The following DOCK9 variants were observed in gnomAD, a reference collection of about 807,000 sequenced individuals.
The protein encoded by DOCK9 is dedicator of cytokinesis 9, also known as dedicator of cytokinesis protein 9.
In DOCK9, 89 loss-of-function variants were observed where a neutral mutation model predicts 263.3. The observed-to-expected ratio is 0.34, with a 90% CI of 0.28 to 0.40. The LOEUF is 0.40. DOCK9 is among the 10% of genes least tolerant of loss of function. DOCK9 has a pLI of 1.00. For missense variants in DOCK9, 2,140 were observed against 2,603.4 expected (o/e 0.82, Z 3.87); for synonymous variants, 976 against 973.1 (o/e 1.00, Z -0.06).
In DOCK9 at chr13:98,883,810, T is replaced by C. The variant is rs781051563; in HGVS notation, c.2469+3A>G. ...CTGCTAATTTTGTTGAAGGAGCACA[T>C]ACCTGAGTATACACTGTAGAAACCA... On this transcript the variant is annotated splice_donor_region_variant and intron_variant, in intron 22 of 52. Coordinates refer to ENST00000682017, the MANE Select transcript of DOCK9 (RefSeq NM_001366683.2). 9 of 1,596,334 alleles carry C rather than the reference T, an allele frequency of 5.6e-6. No homozygotes were observed. Among genetic ancestry groups the C allele is most frequent in the Non-Finnish European group, 7.7e-6 (9 of 1,172,952 alleles).
intron 34 of DOCK9, chr13:98,854,871 A>T (rs922837280): frequency 6.6e-6 from 1 of 152,224 alleles, no homozygotes; most frequent in African/African-American, 2.4e-5. Flanking sequence ...GGGATGCGTG[A>T]CAAGATTATA....
At chr13:98,902,131 C>A in intron 12 of DOCK9, among the ~76,000 whole-genome samples, 157 bp downstream of exon 12, 1 of 152,232 alleles carries the variant, frequency 6.6e-6, no homozygotes, top group African/African-American at 2.4e-5. Context: ...CCACTTATTT[C>A]TCAGCTTGCT....
intron 1 of DOCK9, among the ~76,000 whole-genome samples, chr13:99,072,346 T>C (rs2041717496): frequency 6.6e-6 from 1 of 152,194 alleles, no homozygotes; most frequent in Non-Finnish European, 1.5e-5. Context: ...TAGGACATTG[T>C]GTTTGGGAAC....
intron 2 of DOCK9, chr13:98,950,403 A>AT: frequency 1.2e-6 from 1 of 833,904 alleles, no homozygotes; most frequent in Non-Finnish European, 2.0e-6. Context: ...TCTTTTTCAG[A>AT]TTTTCTAGAA....
intron 32 of DOCK9, among the ~76,000 whole-genome samples, chr13:98,860,824 C>G (rs1204609490): frequency 6.6e-6 from 1 of 152,176 alleles, no homozygotes; most frequent in Non-Finnish European, 1.5e-5. Context: ...AGCTCGGACG[C>G]CCAACATTTC....
At chr13:99,059,408 C>A (rs553874665) in intron 1 of DOCK9, among the ~76,000 whole-genome samples, 2 of 150,802 alleles carry the variant, frequency 1.3e-5, no homozygotes, top group African/African-American at 4.9e-5. Context: ...TTCCTCTCCC[C>A]TCCCTCCTAC....
chr13:98,848,517 G>A lies in DOCK9; in HGVS notation c.4061+75C>T. 3 of 1,511,768 alleles carry A rather than the reference G, an allele frequency of 2.0e-6. No homozygotes were observed. The South Asian group carries it at 3.6e-5, about 18-fold the overall frequency. 93.6% of individuals were successfully genotyped at this position (1,511,768 alleles called of 1,614,324 possible). A position where few individuals can be genotyped will look rare whatever the true frequency, so the allele number is the denominator to read the frequency against. On this transcript the variant is annotated intron_variant, in intron 37 of 52. Coordinates refer to ENST00000682017, the MANE Select transcript of DOCK9 (RefSeq NM_001366683.2). ...TGAACCCCAACTGCCAACCGCCACT[G>A]ATGACCAATCCCACACAATCAGAGC... is the stretch of plus-strand genomic sequence containing the variant.
chr13:98,842,414 T>C (rs761617296), intron 38 of DOCK9, among the ~76,000 whole-genome samples: 5 of 152,242 alleles, frequency 3.3e-5, no homozygotes, highest in Non-Finnish European at 7.3e-5. Flanking sequence ...AACTGCCTTT[T>C]AGATCAAATT....
At chr13:99,085,738 A>G (rs895359232) in intron 1 of DOCK9, among the ~76,000 whole-genome samples, 1 of 151,962 alleles carries the variant, frequency 6.6e-6, no homozygotes, top group Non-Finnish European at 1.5e-5. Context: ...AGCCAACTCA[A>G]AGGGTTAGCA....
In DOCK9 at chr13:98,877,183, C is replaced by T. The variant is rs182166846; in HGVS notation, c.2943+2715G>A. On this transcript the variant is annotated intron_variant, in intron 27 of 52. Coordinates refer to ENST00000682017, the MANE Select transcript of DOCK9 (RefSeq NM_001366683.2). ...TCTGCCACAAGTTCTTGGCTCTGCTCAGTTGTGTGACCCTGGGCAGGTCAC... is the reference window on the plus strand; with the variant it reads ...TCTGCCACAAGTTCTTGGCTCTGCTTAGTTGTGTGACCCTGGGCAGGTCAC... Among the ~76,000 whole-genome samples, 95 of 152,320 alleles carry T rather than the reference C, an allele frequency of 6.2e-4. 1 individual carries two copies. Among genetic ancestry groups the T allele is most frequent in the African/African-American group, 2.2e-3 (93 of 41,562 alleles).
At chr13:99,023,512 A>G (rs1418063002) in intron 1 of DOCK9, among the ~76,000 whole-genome samples, 2 of 152,216 alleles carry the variant, frequency 1.3e-5, no homozygotes, top group Non-Finnish European at 2.9e-5. Flanking sequence ...ATGGGGTCAG[A>G]TTTACAGTTT....
chr13:98,848,441 C>A, intron 37 of DOCK9, 151 bp downstream of exon 37: 2 of 723,890 alleles, frequency 2.8e-6, no homozygotes, highest in East Asian at 2.7e-5. Flanking sequence ...CACTGCCAGG[C>A]TCTGCGGTGG....
intron 9 of DOCK9, among the ~76,000 whole-genome samples, chr13:98,906,101 G>C (rs532135090): frequency 3.7e-4 from 57 of 152,294 alleles, no homozygotes; most frequent in African/African-American, 1.3e-3. Flanking sequence ...TATCATCTTT[G>C]TGTAGAGACG....
chr13:98,929,343 G>A (rs2053553198), intron 3 of DOCK9, among the ~76,000 whole-genome samples: 1 of 152,174 alleles, frequency 6.6e-6, no homozygotes, highest in African/African-American at 2.4e-5. Context: ...AGGAGTCTGA[G>A]ACCAGCCTGA....
chr13:98,826,021 C>G, intron 44 of DOCK9: 1 of 1,228,608 alleles, frequency 8.1e-7, no homozygotes, highest in Non-Finnish European at 1.1e-6. Context: ...GGAGCCCTTT[C>G]AAAATTTTTC....
chr13:99,042,501 AC>A (rs1888560807), intron 1 of DOCK9, among the ~76,000 whole-genome samples: 1 of 152,248 alleles, frequency 6.6e-6, no homozygotes, highest in Admixed American at 6.5e-5. Context: ...AGACGGTATC[AC>A]TAACACCCCA....
chr13:98,844,500 T>C, intron 38 of DOCK9, among the ~76,000 whole-genome samples: 1 of 152,122 alleles, frequency 6.6e-6, no homozygotes, highest in Non-Finnish European at 1.5e-5. Context: ...GTAGCTGGGA[T>C]TACATGTGTG....
intron 8 of DOCK9, 60 bp downstream of exon 8, chr13:98,915,269 G>A: frequency 6.5e-7 from 1 of 1,541,758 alleles, no homozygotes; most frequent in Non-Finnish European, 8.7e-7. Flanking sequence ...ATACCCACCT[G>A]GCAAAAATAA....
At chr13:98,958,736 T>C (rs537439104) in intron 1 of DOCK9, among the ~76,000 whole-genome samples, 1 of 152,374 alleles carries the variant, frequency 6.6e-6, no homozygotes, top group East Asian at 1.9e-4. Flanking sequence ...TTTATATTAA[T>C]TTTCCATGTT....
Sources: gnomAD v4.1 joint callset for allele counts (sites outside exome capture counted in the v4.1 genomes callset) on GRCh38, gnomAD v4.1.1 for gene constraint, MANE v1.5 for transcripts, NCBI Gene and HGNC (gene_info 2026-07-23, HGNC 2026-07-21) for gene names.